Variants in DLG2 observed in about 807,000 individuals in gnomAD.
DLG2 encodes disks large homolog 2.
DLG2 carries 45 observed loss-of-function variants against 132.5 expected under a neutral mutation model. The ratio of observed to expected loss-of-function variants is 0.34; its 90% CI spans 0.27 to 0.44. The LOEUF (loss-of-function observed/expected upper bound fraction) is 0.44, where lower values mean the gene tolerates loss of function less well. DLG2 is among the 20% of genes least tolerant of loss of function. The probability of loss-of-function intolerance (pLI) is 1.00; values close to 1 mark genes in which losing one functional copy is unlikely to be tolerated. For synonymous variants in DLG2, 424 were observed against 419.6 expected (o/e 1.01, Z -0.13); for missense variants, 1,045 against 1,196.9 (o/e 0.87, Z 1.87).
intron 19 of DLG2, among the ~76,000 whole-genome samples, chr11:83,594,899 C>G (rs2057304631): frequency 6.6e-6 from 1 of 152,204 alleles, no homozygotes; most frequent in Non-Finnish European, 1.5e-5. Context: ...TACAGCTGAG[C>G]TGAGTTTGAA....
chr11:84,625,013 A>G (rs925797402), intron 6 of DLG2, among the ~76,000 whole-genome samples: 100 of 149,760 alleles, frequency 6.7e-4, no homozygotes, highest in African/African-American at 2.5e-3. Context: ...GGCGCCCGCC[A>G]CTACGCCCGG....
At chr11:83,986,745 C>G (rs540289937) in intron 11 of DLG2, among the ~76,000 whole-genome samples, 3 of 151,892 alleles carry the variant, frequency 2.0e-5, no homozygotes, top group African/African-American at 4.8e-5. Flanking sequence ...TTTTAATGAT[C>G]GCCATTCTAA....
chr11:84,096,100 T>A (rs1261137759), intron 10 of DLG2, among the ~76,000 whole-genome samples: 2 of 152,304 alleles, frequency 1.3e-5, no homozygotes, highest in East Asian at 3.9e-4. Flanking sequence ...ACACATGAGA[T>A]TTTAGAGAAT....
chr11:85,256,343 C>T (rs1005504407), intron 4 of DLG2, among the ~76,000 whole-genome samples: 1 of 152,140 alleles, frequency 6.6e-6, no homozygotes, highest in African/African-American at 2.4e-5. Context: ...CTTCCGACTC[C>T]ATCTGCTTTC....
intron 6 of DLG2, among the ~76,000 whole-genome samples, chr11:84,980,775 A>T (rs1222825017): frequency 6.6e-6 from 1 of 152,190 alleles, no homozygotes; most frequent in African/African-American, 2.4e-5. Context: ...TTACCTATCC[A>T]GCTATGTTTC....
rs187997146 is a variant in DLG2, at chr11:84,944,472, A to G, written c.357+167189T>C. Among the ~76,000 whole-genome samples the G allele has an allele frequency of 3.4e-3, 517 of 152,050 alleles. 2 individuals are homozygous for G. The highest frequency in any genetic ancestry group is 0.012 in the African/African-American group (490 of 41,482). On this transcript the variant is annotated intron_variant, in intron 6 of 27. Coordinates refer to ENST00000376104, the MANE Select transcript of DLG2 (RefSeq NM_001142699.3). ...TATATTTTCAAACTGCCTGTCTTCA[A>G]GCTCACTAATTTTTTCTTCTGCTTG...
At chr11:84,841,223 C>T (rs2080631671) in intron 6 of DLG2, among the ~76,000 whole-genome samples, 1 of 151,688 alleles carries the variant, frequency 6.6e-6, no homozygotes. Context: ...CATAGCTGTA[C>T]CAAGAGCAGG....
chr11:83,571,541 A>C (rs555505560), intron 19 of DLG2, among the ~76,000 whole-genome samples: 22 of 151,864 alleles, frequency 1.4e-4, no homozygotes, highest in African/African-American at 5.3e-4. Flanking sequence ...GGATTAAATT[A>C]AATAATGACT....
chr11:83,771,316 C>T (rs1481881531), intron 18 of DLG2, among the ~76,000 whole-genome samples: 1 of 152,214 alleles, frequency 6.6e-6, no homozygotes, highest in Non-Finnish European at 1.5e-5. Context: ...CTGGGAAAAT[C>T]TCCCACAGTG....
At chr11:84,502,631 G>C (rs538659297) in intron 7 of DLG2, among the ~76,000 whole-genome samples, 2 of 151,530 alleles carry the variant, frequency 1.3e-5, no homozygotes, top group South Asian at 4.2e-4. Flanking sequence ...CTCCTGGCCT[G>C]ACATGATCCA....
intron 7 of DLG2, among the ~76,000 whole-genome samples, chr11:84,285,628 AAAATT>A (rs1339290607): frequency 1.3e-5 from 2 of 152,134 alleles, no homozygotes; most frequent in Non-Finnish European, 1.5e-5. Flanking sequence ...TCCAGATGTG[AAAATT>A]AAATAGGTCT....
chr11:84,272,252 A>G, intron 7 of DLG2: 1 of 431,146 alleles, frequency 2.3e-6, no homozygotes, highest in African/African-American at 2.0e-5. Context: ...ATGGCATCTA[A>G]CTTGAGTCAC....
chr11:85,531,110 C>T (rs1335395755), intron 3 of DLG2, among the ~76,000 whole-genome samples: 3 of 152,164 alleles, frequency 2.0e-5, no homozygotes, highest in Non-Finnish European at 4.4e-5. Context: ...CCTTTCCTTA[C>T]TGGTCATTAA....
intron 19 of DLG2, among the ~76,000 whole-genome samples, chr11:83,617,880 C>T (rs1024172446): frequency 1.3e-5 from 2 of 152,096 alleles, no homozygotes; most frequent in East Asian, 3.9e-4. Flanking sequence ...GGCTATAGTC[C>T]CAGGTACTCA....
In DLG2 at chr11:85,549,176, T is replaced by A. The variant is rs56256400; in HGVS notation, c.40+49481A>T. On this transcript the variant is annotated intron_variant, in intron 3 of 27. Transcript: ENST00000376104. ...GGTTGTGAAGACCATGGGAAAAGCA[T>A]AGTATCTGGGCTGGAGTACATGGTA... 2.6e-5 allele frequency among the ~76,000 whole-genome samples: 4 copies of A among 151,996 alleles called. 1 individual carries two copies. Among genetic ancestry groups the A allele is most frequent in the African/African-American group, 9.7e-5 (4 of 41,334 alleles).
chr11:83,657,086 G>T (rs888317361), intron 18 of DLG2, among the ~76,000 whole-genome samples: 1 of 152,276 alleles, frequency 6.6e-6, no homozygotes, highest in African/African-American at 2.4e-5. Context: ...TCTCTTATCA[G>T]TGTTTCCATA....
intron 18 of DLG2, among the ~76,000 whole-genome samples, chr11:83,641,885 GTGTGTGTA>G (rs2066645306): frequency 6.6e-6 from 1 of 151,652 alleles, no homozygotes; most frequent in Admixed American, 6.6e-5. Context: ...GTGTGTGTGT[GTGTGTGTA>G]TGTGTGTTTG....
At chr11:85,449,423 C>A (rs146423095) in intron 3 of DLG2, among the ~76,000 whole-genome samples, 32 of 151,916 alleles carry the variant, frequency 2.1e-4, no homozygotes, top group Non-Finnish European at 1.5e-4. Flanking sequence ...TTTGTATAAT[C>A]TTCTTTTTAA....
chr11:85,504,708 T>C lies in DLG2; in HGVS notation c.40+93949A>G, dbSNP rs375321883. Among the ~76,000 whole-genome samples the C allele has an allele frequency of 2.0e-5, 3 of 152,178 alleles. No individual in the cohort carries two copies. In the South Asian group the frequency reaches 6.2e-4, roughly 31 times the overall value. The stretch of plus-strand genomic sequence containing the variant: ...CTTGGCAATGCAGGCTCTTTTTTGA[T>C]TCCATATGAACTTTAAGGTAGTTTT... On this transcript the variant is annotated intron_variant, in intron 3 of 27. Transcript: ENST00000376104.
Sources: allele counts gnomAD v4.1 joint callset (sites outside exome capture counted in the v4.1 genomes callset), GRCh38; gene constraint gnomAD v4.1.1; transcripts MANE v1.5; gene names NCBI Gene and HGNC (gene_info 2026-07-23, HGNC 2026-07-21).